CSMD3: variants seen among roughly 807,000 people sequenced by gnomAD.
The protein encoded by CSMD3 is CUB and Sushi multiple domains 3.
A neutral mutation model predicts 435.2 loss-of-function variants in CSMD3; 177 were observed. That is an observed-to-expected ratio of 0.41 (90% CI 0.36 to 0.46). CSMD3 has a LOEUF of 0.46. Among genes scored for constraint, CSMD3 ranks in the 20% least tolerant of loss-of-function variants. The probability of loss-of-function intolerance (pLI) is 0.34; values close to 1 mark genes in which losing one functional copy is unlikely to be tolerated. For missense variants in CSMD3, 4,265 were observed against 4,504.6 expected, an observed-to-expected ratio of 0.95 and a Z score of 1.52; for synonymous variants, 1,656 against 1,520.5, an observed-to-expected ratio of 1.09 and a Z score of -2.07.
intron 32 of CSMD3, among the ~76,000 whole-genome samples, chr8:112,442,413 T>C (rs1815128248): frequency 6.6e-6 from 1 of 152,154 alleles, no homozygotes; most frequent in Admixed American, 6.5e-5. Flanking sequence ...TCATCAGCCT[T>C]GCAATATTGA....
chr8:112,355,856 A>G (rs1826554451), intron 38 of CSMD3, among the ~76,000 whole-genome samples: 1 of 152,048 alleles, frequency 6.6e-6, no homozygotes, highest in African/African-American at 2.4e-5. Flanking sequence ...ATAAAAAATA[A>G]AAAAATAAAA....
rs190256967 is a variant in CSMD3, at chr8:113,031,067, C to T, written c.918-11888G>A. ...GCATGAATGTAAAATGGTATACCAA[C>T]ACTGGAGAAGAATATCAGTCTTTTA... On this transcript the variant is annotated intron_variant, in intron 5 of 70. Transcript: ENST00000297405. Among the ~76,000 whole-genome samples, 213 of 151,756 alleles carry T rather than the reference C, an allele frequency of 1.4e-3. 4 individuals carry two copies. The highest frequency in any genetic ancestry group is 5.0e-3 in the African/African-American group (208 of 41,512).
intron 13 of CSMD3, among the ~76,000 whole-genome samples, chr8:112,721,582 G>A (rs2076859560): frequency 6.6e-6 from 1 of 152,006 alleles, no homozygotes; most frequent in African/African-American, 2.4e-5. Context: ...GGAAAAACAA[G>A]TATTTGTCAA....
intron 5 of CSMD3, among the ~76,000 whole-genome samples, chr8:113,089,964 T>A (rs548532063): frequency 6.6e-6 from 1 of 152,160 alleles, no homozygotes; most frequent in African/African-American, 2.4e-5. Context: ...TGTAGAATAA[T>A]ATAGGGAGGT....
chr8:112,940,604 T>C (rs2083423497), intron 9 of CSMD3, among the ~76,000 whole-genome samples: 1 of 151,972 alleles, frequency 6.6e-6, no homozygotes, highest in East Asian at 1.9e-4. Context: ...AAACTTGTTA[T>C]ATTCTATAGG....
chr8:112,605,020 A>G (rs1832681439), intron 22 of CSMD3, among the ~76,000 whole-genome samples: 1 of 152,212 alleles, frequency 6.6e-6, no homozygotes, highest in South Asian at 2.1e-4. Context: ...GCCAATAAGC[A>G]TATAAAAAAT....
At chr8:112,253,249 T>A (rs1815450309) in intron 63 of CSMD3, among the ~76,000 whole-genome samples, 1 of 151,882 alleles carries the variant, frequency 6.6e-6, no homozygotes, top group South Asian at 2.1e-4. Flanking sequence ...AGGATTTAGA[T>A]CAATTGATAA....
At chr8:113,265,792 TGTG>T (rs1467494440) in intron 3 of CSMD3, among the ~76,000 whole-genome samples, 1 of 151,376 alleles carries the variant, frequency 6.6e-6, no homozygotes, top group Non-Finnish European at 1.5e-5. Context: ...AAAAGTCACT[TGTG>T]GATTAGGGTG....
chr8:112,846,472 T>G, intron 11 of CSMD3, among the ~76,000 whole-genome samples: 1 of 151,784 alleles, frequency 6.6e-6, no homozygotes, highest in East Asian at 1.9e-4. Context: ...AGCAGGGTTA[T>G]AGCTCATCCA....
chr8:112,409,290 G>A (rs1160610779), intron 32 of CSMD3, among the ~76,000 whole-genome samples: 1 of 151,926 alleles, frequency 6.6e-6, no homozygotes, highest in Non-Finnish European at 1.5e-5. Flanking sequence ...AATGAGCATA[G>A]CATTTAATTT....
At chr8:113,178,004 T>C (rs1242217491) in intron 3 of CSMD3, among the ~76,000 whole-genome samples, 1 of 151,978 alleles carries the variant, frequency 6.6e-6, no homozygotes, top group African/African-American at 2.4e-5. Flanking sequence ...AAAGATCAAT[T>C]ACTTGGTAAG....
intron 13 of CSMD3, among the ~76,000 whole-genome samples, chr8:112,783,424 G>A (rs186218069): frequency 1.8e-4 from 10 of 56,928 alleles, no homozygotes; most frequent in East Asian, 6.7e-4. Flanking sequence ...GAGGGAGGGA[G>A]GGAAGGAAGG....
intron 1 of CSMD3, among the ~76,000 whole-genome samples, chr8:113,433,579 C>T (rs1042427343): frequency 1.3e-5 from 2 of 152,214 alleles, no homozygotes; most frequent in African/African-American, 4.8e-5. Flanking sequence ...CGCGAAGTCG[C>T]TCTGGCGAGA....
At chr8:112,303,883 GGGT>G (rs1417691587) in intron 52 of CSMD3, among the ~76,000 whole-genome samples, 46 of 151,994 alleles carry the variant, frequency 3.0e-4, no homozygotes, top group Non-Finnish European at 1.8e-4. Flanking sequence ...TATAAATCAT[GGGT>G]CTCTATGCAA....
At chr8:112,301,606 G>A (rs1438266428) in intron 53 of CSMD3, among the ~76,000 whole-genome samples, 187 bp downstream of exon 53, 1 of 152,056 alleles carries the variant, frequency 6.6e-6, no homozygotes, top group Non-Finnish European at 1.5e-5. Context: ...CACTAGGAAT[G>A]CTATTTGATT....
intron 32 of CSMD3, among the ~76,000 whole-genome samples, chr8:112,462,956 C>T (rs534574814): frequency 3.9e-5 from 6 of 152,324 alleles, no homozygotes; most frequent in African/African-American, 9.6e-5. Context: ...TGCTCTCTCA[C>T]GCATTTTGAA....
chr8:112,915,280 C>G (rs1044225681), intron 10 of CSMD3, among the ~76,000 whole-genome samples: 1 of 151,678 alleles, frequency 6.6e-6, no homozygotes, highest in African/African-American at 2.4e-5. Context: ...GCGTTCATTA[C>G]TAATATGGTT....
intron 4 of CSMD3, among the ~76,000 whole-genome samples, chr8:113,125,973 T>C (rs1246575062): frequency 6.6e-6 from 1 of 151,998 alleles, no homozygotes; most frequent in African/African-American, 2.4e-5. Flanking sequence ...TAGGTATGCA[T>C]GAAAAATAAT....
intron 10 of CSMD3, among the ~76,000 whole-genome samples, chr8:112,901,565 G>T (rs749028056): frequency 9.3e-5 from 14 of 151,182 alleles, no homozygotes; most frequent in Non-Finnish European, 1.2e-4. Flanking sequence ...AATACACATG[G>T]CTCTGTCCCT....
Sources: gnomAD v4.1 joint callset for allele counts (sites outside exome capture counted in the v4.1 genomes callset) on GRCh38, gnomAD v4.1.1 for gene constraint, MANE v1.5 for transcripts, NCBI Gene and HGNC (gene_info 2026-07-23, HGNC 2026-07-21) for gene names.